Variants in PCSK9 observed in about 807,000 individuals in gnomAD.
PCSK9 encodes convertase subtilisin/kexin type 9 preproprotein.
Under a neutral mutation model 62.1 loss-of-function variants are expected in PCSK9, and 57 were observed. That is an observed-to-expected ratio of 0.92 (90% CI 0.74 to 1.14). PCSK9 has a LOEUF of 1.14. Ranked by LOEUF, PCSK9 falls within the 50% of genes most tolerant of loss-of-function variation. PCSK9 has a pLI of 0.00. For synonymous variants in PCSK9, 387 were observed against 409.4 expected (o/e 0.95, Z 0.66); for missense variants, 870 against 959.8 (o/e 0.91, Z 1.24).
At chr1:55,042,454 ACT>A (rs1330200413) in intron 1 of PCSK9, among the ~76,000 whole-genome samples, 1 of 152,090 alleles carries the variant, frequency 6.6e-6, no homozygotes, top group Non-Finnish European at 1.5e-5. Flanking sequence ...TTCCAAGCAG[ACT>A]CTGATTGCCC....
In PCSK9 at chr1:55,058,052, G is replaced by T; in HGVS notation, c.1197G>T (p.Met399Ile). The change falls in exon 8 of 12, where the codon ATG becomes ATT. Residue 399 changes from methionine to isoleucine, a missense_variant. Transcript: ENST00000302118. The stretch of plus-strand genomic sequence containing the variant: ...CTGCACCAGGCATTGCAGCCATGAT[G>T]CTGTCTGCCGAGCCGGAGCTCACCC... ...AAHVAGIAAM[M>I]LSAEPELTLA... is the part of the protein sequence containing the mutation. 1 of 1,613,782 alleles carries T rather than the reference G, an allele frequency of 6.2e-7. No individual in the cohort carries two copies. Among genetic ancestry groups the T allele is most frequent in the South Asian group, 1.1e-5 (1 of 91,088 alleles).
intron 1 of PCSK9, among the ~76,000 whole-genome samples, chr1:55,042,231 C>T (rs377330787): frequency 3.9e-5 from 6 of 151,908 alleles, no homozygotes; most frequent in African/African-American, 1.2e-4. Flanking sequence ...CCAAAGTGCT[C>T]GAATTACAGG....
chr1:55,056,531 C>A (rs1330612258), intron 6 of PCSK9, among the ~76,000 whole-genome samples: 1 of 152,194 alleles, frequency 6.6e-6, no homozygotes, highest in Non-Finnish European at 1.5e-5. Context: ...CCATCTCCAT[C>A]CCCAGGCCCT....
intron 3 of PCSK9, among the ~76,000 whole-genome samples, chr1:55,049,929 A>G (rs544975270): frequency 1.5e-3 from 228 of 152,310 alleles, no homozygotes; most frequent in African/African-American, 5.1e-3. Flanking sequence ...GGTCCCAAGC[A>G]CGGGTGGGAC....
intron 5 of PCSK9, among the ~76,000 whole-genome samples, chr1:55,054,598 G>A (rs1025053009): frequency 6.6e-6 from 1 of 152,170 alleles, no homozygotes; most frequent in African/African-American, 2.4e-5. Flanking sequence ...CACCTCATTT[G>A]ACAGGGGAGA....
chr1:55,039,860 G>T lies in PCSK9; in HGVS notation c.23G>T (p.Arg8Leu), dbSNP rs1021280547. ...CTCATGGGCACCGTCAGCTCCAGGC[G>T]GTCCTGGTGGCCGCTGCCACTGCTG... Reference protein sequence around the residue: MGTVSSRRSWWPLPLLLL... With the variant: MGTVSSRLSWWPLPLLLL... Residue 8 changes from arginine to leucine, a missense_variant, in exon 1 of 12, where the codon CGG becomes CTG. Transcript: ENST00000302118. The T allele has an allele frequency of 6.4e-7, 1 of 1,563,804 alleles. No individual in the cohort carries two copies. Among genetic ancestry groups the T allele is most frequent in the Non-Finnish European group, 8.7e-7 (1 of 1,155,024 alleles).
In PCSK9 at chr1:55,039,927, G is replaced by A. The variant is rs1644585418; in HGVS notation, c.90G>A (p.Ala30=). ...TCCTGGGTCCCGCGGGCGCCCGTGC[G>A]CAGGAGGACGAGGACGGCGACTACG... ...LLLLGPAGAR[A]QEDEDGDYEE... is the part of the protein sequence containing the mutation. The change falls in exon 1 of 12, where the codon GCG becomes GCA. Residue 30 remains alanine, a synonymous_variant. Transcript: ENST00000302118. 6.4e-7 allele frequency: 1 copy of A among 1,570,732 alleles called. No individual in the cohort carries two copies.
intron 6 of PCSK9, among the ~76,000 whole-genome samples, chr1:55,056,934 C>A (rs1482787247): frequency 1.7e-4 from 2 of 11,818 alleles, no homozygotes; most frequent in Admixed American, 3.9e-3. Context: ...TAACCTAGGT[C>A]CCCCCTGGCC....
rs28362277 is a variant in PCSK9 at position 55,061,549 on chromosome 1, A to C, written c.1856A>C (p.Gln619Pro). 1,173 of 1,596,476 alleles carry C rather than the reference A, an allele frequency of 7.3e-4. 16 individuals carry two copies. In the African/African-American group the frequency reaches 0.015, roughly 20 times the overall value. Residue 619 changes from glutamine (Q) to proline (P), a missense_variant, in exon 11 of 12, where the codon CAG (glutamine) becomes CCG (proline). By Grantham distance (76) the Gln-to-Pro change is moderately conservative. Coordinates refer to ENST00000302118, the MANE Select transcript of PCSK9 (RefSeq NM_174936.4). ...KVKEHGIPAP[Q>P]EQVTVACEEG... ...AAGGAGCATGGAATCCCGGCCCCTC[A>C]GGAGCAGGTGAAGAGGCCCGTGAGG...
At position 55,040,079 on chromosome 1, in the gene PCSK9, C is replaced by T; in HGVS notation, c.207+35C>T. The stretch of plus-strand genomic sequence containing the variant: ...TAGGGATGGGAGGCCGGGGCGAACC[C>T]GCAGCCGGGACGGTGCGGTGCTGTT... On this transcript the variant is annotated intron_variant, in intron 1 of 11. Coordinates refer to ENST00000302118, the MANE Select transcript of PCSK9 (RefSeq NM_174936.4). This position sits in a 1 kb window ranked among gnomAD's most constrained non-coding sequence, Gnocchi z 4.1. The T allele has an allele frequency of 3.9e-6, 6 of 1,545,876 alleles. No homozygotes were observed. Among genetic ancestry groups the T allele is most frequent in the Non-Finnish European group, 5.2e-6 (6 of 1,144,440 alleles).
At chr1:55,052,469 G>T in intron 4 of PCSK9, 58 bp downstream of exon 4, 1 of 1,612,436 alleles carries the variant, frequency 6.2e-7, no homozygotes, top group Non-Finnish European at 8.5e-7. Context: ...TCCTGGAGGT[G>T]GGTGGGGACT....
At position 55,063,398 on chromosome 1, in the gene PCSK9, C is replaced by A. The variant is rs1166059463; in HGVS notation, c.1893C>A (p.Thr631=). 6.2e-7 allele frequency: 1 copy of A among 1,613,948 alleles called. No individual in the cohort carries two copies. Reference sequence around the variant, plus strand: ...CCGTGGCCTGCGAGGAGGGCTGGACCCTGACTGGCTGCAGTGCCCTCCCTG... The same window carrying A: ...CCGTGGCCTGCGAGGAGGGCTGGACACTGACTGGCTGCAGTGCCCTCCCTG... ...QVTVACEEGW[T]LTGCSALPGT... is the part of the protein sequence containing the mutation. Residue 631 remains threonine, a synonymous_variant, in exon 12 of 12, where the codon ACC becomes ACA. Transcript: ENST00000302118.
intron 1 of PCSK9, among the ~76,000 whole-genome samples, 161 bp from the exon 2 acceptor site, chr1:55,043,682 C>T (rs2495480): frequency 0.91 from 139,348 of 152,354 alleles, 63,961 homozygotes; most frequent in South Asian, 0.97. Context: ...TATATGAGTT[C>T]TTTAATTTGC....
intron 11 of PCSK9, among the ~76,000 whole-genome samples, chr1:55,061,758 A>G (rs1274847579): frequency 3.3e-5 from 5 of 152,256 alleles, no homozygotes; most frequent in Admixed American, 6.5e-5. Flanking sequence ...GCTTTTGTCC[A>G]GATCAGTAAG....
chr1:55,045,125 A>C (rs1400977404), intron 2 of PCSK9, among the ~76,000 whole-genome samples: 1 of 148,924 alleles, frequency 6.7e-6, no homozygotes, highest in Non-Finnish European at 1.5e-5. Context: ...CAATGTGCTC[A>C]GCCTTGGGGA....
At position 55,039,771 on chromosome 1, in the gene PCSK9, C is replaced by T. The variant is rs886039836; in HGVS notation, c.-67C>T. ...CTCCCCACCGCAAGGCTCAAGGCGC[C>T]GCCGGCGTGGACCGCGCACGGCCTC... On this transcript the variant is annotated 5_prime_UTR_variant, in exon 1 of 12. Coordinates refer to ENST00000302118, the MANE Select transcript of PCSK9 (RefSeq NM_174936.4). The T allele has an allele frequency of 3.2e-6, 5 of 1,543,540 alleles. No homozygotes were observed. Among genetic ancestry groups the T allele is most frequent in the Middle Eastern group, 2.3e-4 (1 of 4,370 alleles).
chr1:55,063,397 C>A lies in PCSK9; in HGVS notation c.1892C>A (p.Thr631Asn). Residue 631 changes from threonine to asparagine, a missense_variant, in exon 12 of 12, where the codon ACC (threonine) becomes AAC (asparagine). Transcript: ENST00000302118. The part of the protein sequence containing the change: ...QVTVACEEGW[T>N]LTGCSALPGT... Reference sequence around the variant, plus strand: ...ACCGTGGCCTGCGAGGAGGGCTGGACCCTGACTGGCTGCAGTGCCCTCCCT... The same window carrying A: ...ACCGTGGCCTGCGAGGAGGGCTGGAACCTGACTGGCTGCAGTGCCCTCCCT... 1 of 1,613,988 alleles carries A rather than the reference C, an allele frequency of 6.2e-7. No homozygotes were observed. Among genetic ancestry groups the A allele is most frequent in the Non-Finnish European group, 8.5e-7 (1 of 1,179,976 alleles).
intron 1 of PCSK9, among the ~76,000 whole-genome samples, chr1:55,043,392 A>T (rs958247299): frequency 1.3e-5 from 2 of 152,126 alleles, no homozygotes; most frequent in Admixed American, 6.5e-5. Context: ...AGGTTGAGTG[A>T]CTTGCTCATG....
Position 55,057,314 on chromosome 1 carries a change from C to T in PCSK9, c.997-17C>T, listed in dbSNP as rs767758484. 1.2e-5 allele frequency: 20 copies of T among 1,611,952 alleles called. No individual in the cohort carries two copies. The South Asian group carries it at 1.9e-4, about 15-fold the overall frequency. The stretch of plus-strand genomic sequence containing the variant: ...CTTGGGCTCCTTTCTCTGCCACCCA[C>T]CTCCTCACCTTTCCAGGTCATCACA... On this transcript the variant is annotated splice_polypyrimidine_tract_variant and intron_variant, in intron 6 of 11. Transcript: ENST00000302118.
Sources: gnomAD v4.1 joint callset for allele counts (sites outside exome capture counted in the v4.1 genomes callset) on GRCh38, gnomAD v4.1.1 for gene constraint, Gnocchi (gnomAD v3.1) non-coding constraint, MANE v1.5 for transcripts, NCBI Gene and HGNC (gene_info 2026-07-23, HGNC 2026-07-21) for gene names.